The following HDAC9 variants were observed in gnomAD, a reference collection of about 807,000 sequenced individuals.
The protein encoded by HDAC9 is histone deacetylase 9.
In HDAC9, 41 loss-of-function variants were observed where a neutral mutation model predicts 139.4. The ratio of observed to expected loss-of-function variants is 0.29; its 90% confidence interval spans 0.23 to 0.38. HDAC9 has a LOEUF of 0.38. HDAC9 is among the 10% of genes least tolerant of loss of function. The pLI is 1.00. For synonymous variants in HDAC9, 517 were observed against 476.2 expected (o/e 1.09, Z -1.12); for missense variants, 1,147 against 1,297.0 (o/e 0.88, Z 1.78).
Position 18,495,855 on chromosome 7 carries a change from GT to G in HDAC9, c.-207del. The G allele has an allele frequency of 9.4e-7, 1 of 1,069,158 alleles. No individual in the cohort carries two copies. The highest frequency in any genetic ancestry group is 1.1e-6 in the Non-Finnish European group (1 of 884,862). 66.2% of individuals were successfully genotyped at this position (1,069,158 alleles called of 1,614,324 possible). A position where few individuals can be genotyped will look rare whatever the true frequency, so the allele number is the denominator to read the frequency against. On this transcript the variant is annotated 5_prime_UTR_variant, in exon 1 of 26. Transcript: ENST00000686413. ...AGCAGCCTGAAGAACTCTAAGCCAG[GT>G]TTAATTGGTTTCTTTTTCTCGTGGG...
chr7:18,813,678 C>G (rs1243800841), intron 17 of HDAC9, among the ~76,000 whole-genome samples: 3 of 152,274 alleles, frequency 2.0e-5, no homozygotes, highest in African/African-American at 7.2e-5. Flanking sequence ...TTGTGGGAAA[C>G]TACCTTGTTT....
intron 17 of HDAC9, among the ~76,000 whole-genome samples, chr7:18,816,016 G>T (rs563741975): frequency 3.3e-5 from 5 of 152,262 alleles, no homozygotes; most frequent in Admixed American, 3.3e-4. Context: ...GGCTATGTTA[G>T]CATATTCGGA....
At chr7:18,567,384 T>C (rs1224035169) in intron 2 of HDAC9, among the ~76,000 whole-genome samples, 3 of 152,252 alleles carry the variant, frequency 2.0e-5, no homozygotes, top group African/African-American at 7.2e-5. Flanking sequence ...CTCTCATTTC[T>C]TTTGTTTAAC....
chr7:18,457,043 G>A (rs1268808792), intron 1 of HDAC9, among the ~76,000 whole-genome samples: 1 of 152,178 alleles, frequency 6.6e-6, no homozygotes, highest in African/African-American at 2.4e-5. Flanking sequence ...AAAGATGGCA[G>A]TGGAGCTCAA....
chr7:18,716,628 G>A (rs925968192), intron 12 of HDAC9, among the ~76,000 whole-genome samples: 1 of 152,078 alleles, frequency 6.6e-6, no homozygotes, highest in African/African-American at 2.4e-5. Flanking sequence ...GATACCAGAA[G>A]CAATTTAAAT....
chr7:18,598,348 T>C (rs1202795209), intron 6 of HDAC9, among the ~76,000 whole-genome samples: 5 of 152,204 alleles, frequency 3.3e-5, no homozygotes, highest in Admixed American at 2.0e-4. Flanking sequence ...ACTAAACTTG[T>C]CAAAGTTTAT....
At chr7:18,852,656 C>G (rs1477150542) in intron 21 of HDAC9, among the ~76,000 whole-genome samples, 1 of 152,128 alleles carries the variant, frequency 6.6e-6, no homozygotes, top group Non-Finnish European at 1.5e-5. Flanking sequence ...ACAATGGACA[C>G]TGCACCATGG....
At chr7:18,260,992 G>C (rs1351807665) in intron 2 of HDAC9, among the ~76,000 whole-genome samples, 7 of 152,094 alleles carry the variant, frequency 4.6e-5, no homozygotes, top group African/African-American at 1.4e-4. Context: ...AAGCAAACAT[G>C]CTGGACAACT....
rs536328007 is a variant in HDAC9, at chr7:18,480,170, T to C, written c.-41-16092T>C. 2.0e-5 allele frequency among the ~76,000 whole-genome samples: 3 copies of C among 152,274 alleles called. No homozygotes were observed. In the East Asian group the frequency reaches 5.8e-4, roughly 29 times the overall value. On this transcript the variant is annotated intron_variant, in intron 1 of 3. Transcript: ENST00000413509. ...AATTAGCTACTAGTTGTTGATTAAA[T>C]ACTGTGCACCAGTGTTTGTATTAGA...
At chr7:18,180,131 T>C (rs1052132636) in intron 2 of HDAC9, among the ~76,000 whole-genome samples, 1 of 151,974 alleles carries the variant, frequency 6.6e-6, no homozygotes, top group Non-Finnish European at 1.5e-5. Context: ...CTACCCCCAG[T>C]AGTGAGCGCC....
intron 2 of HDAC9, among the ~76,000 whole-genome samples, chr7:18,213,381 G>A (rs1792086696): frequency 6.6e-6 from 1 of 152,038 alleles, no homozygotes. Flanking sequence ...TAGAAAGATG[G>A]TTTAGCTAAT....
At chr7:18,882,066 G>C (rs930069272) in intron 22 of HDAC9, among the ~76,000 whole-genome samples, 2 of 152,116 alleles carry the variant, frequency 1.3e-5, no homozygotes, top group African/African-American at 4.8e-5. Flanking sequence ...AACTGGCCAA[G>C]TGCCTGGAAC....
intron 7 of HDAC9, among the ~76,000 whole-genome samples, chr7:18,632,140 G>A (rs1334493262): frequency 1.3e-5 from 2 of 151,944 alleles, no homozygotes; most frequent in African/African-American, 4.8e-5. Context: ...TTGGGAAAAA[G>A]AAGCTCCTGT....
intron 25 of HDAC9, among the ~76,000 whole-genome samples, chr7:18,976,248 T>G (rs1019722140): frequency 6.6e-6 from 1 of 152,250 alleles, no homozygotes; most frequent in African/African-American, 2.4e-5. Flanking sequence ...CAGATCGTTA[T>G]GGAAAGAGCT....
intron 1 of HDAC9, among the ~76,000 whole-genome samples, chr7:18,092,277 C>A (rs1348817344): frequency 6.6e-6 from 1 of 152,036 alleles, no homozygotes; most frequent in Admixed American, 6.6e-5. Flanking sequence ...GAAGTCCCAG[C>A]TAGTTGGCAG....
chr7:18,587,783 G>C lies in HDAC9; in HGVS notation c.264+2261G>C, dbSNP rs143742195. Among the ~76,000 whole-genome samples, 4 of 152,250 alleles carry C rather than the reference G, an allele frequency of 2.6e-5. No individual in the cohort carries two copies. In the South Asian group the frequency reaches 6.2e-4, roughly 24 times the overall value. Reference sequence around the variant, plus strand: ...TGGGCCAGAACATCTAGCAATAGAGGGCTAAAGTTTTATTTCTTTCTATTG... The same window carrying C: ...TGGGCCAGAACATCTAGCAATAGAGCGCTAAAGTTTTATTTCTTTCTATTG... On this transcript the variant is annotated intron_variant, in intron 3 of 25. Transcript: ENST00000686413.
At chr7:18,139,285 C>T (rs940607689) in intron 1 of HDAC9, among the ~76,000 whole-genome samples, 1 of 151,946 alleles carries the variant, frequency 6.6e-6, no homozygotes, top group East Asian at 1.9e-4. Context: ...GTCACCACGA[C>T]TGGCTAATTT....
chr7:18,670,895 T>G (rs753356767), intron 12 of HDAC9, among the ~76,000 whole-genome samples: 5 of 151,900 alleles, frequency 3.3e-5, no homozygotes, highest in Non-Finnish European at 7.4e-5. Flanking sequence ...TAATGAGGGT[T>G]AGGGTTAGAT....
intron 2 of HDAC9, among the ~76,000 whole-genome samples, chr7:18,263,842 C>T (rs1262832902): frequency 1.3e-5 from 2 of 152,176 alleles, no homozygotes; most frequent in East Asian, 1.9e-4. Flanking sequence ...TGGTCTTGAA[C>T]CCCTGGCCTG....
Sources: allele counts gnomAD v4.1 joint callset (sites outside exome capture counted in the v4.1 genomes callset), GRCh38; gene constraint gnomAD v4.1.1; transcripts MANE v1.5; gene names NCBI Gene and HGNC (gene_info 2026-07-23, HGNC 2026-07-21).